SLC7A2: variants seen among roughly 807,000 people sequenced by gnomAD.
SLC7A2 encodes cationic amino acid transporter 2.
Under a neutral mutation model 58.9 loss-of-function variants are expected in SLC7A2, and 48 were observed. The observed-to-expected ratio is 0.82, with a 90% CI of 0.65 to 1.04. The LOEUF (loss-of-function observed/expected upper bound fraction) is 1.04, where lower values mean the gene tolerates loss of function less well. SLC7A2 is among the 50% of genes least tolerant of loss of function. The probability of loss-of-function intolerance (pLI) is 0.00; values close to 1 mark genes in which losing one functional copy is unlikely to be tolerated. For missense variants in SLC7A2, 1,029 were observed against 818.8 expected (o/e 1.26, Z -3.13); for synonymous variants, 363 against 314.5 (o/e 1.15, Z -1.63).
chr8:17,542,759 G>A lies in SLC7A2; in HGVS notation c.-22-559G>A, dbSNP rs574419622. ...TTTCCTTGTAGTGAGAATGAAATTA[G>A]CCATCTCTTGAAATATATTTCTATC... On this transcript the variant is annotated intron_variant, in intron 2 of 12. Coordinates refer to ENST00000494857, the MANE Select transcript of SLC7A2 (RefSeq NM_001370338.1). Among the ~76,000 whole-genome samples, 37 of 152,256 alleles carry A rather than the reference G, an allele frequency of 2.4e-4. 1 individual carries two copies. Among genetic ancestry groups the A allele is most frequent in the Middle Eastern group, 3.4e-3 (1 of 294 alleles).
At chr8:17,543,826 G>T in intron 3 of SLC7A2, 111 bp downstream of exon 3, 1 of 971,404 alleles carries the variant, frequency 1.0e-6, no homozygotes, top group Non-Finnish European at 1.5e-6. Flanking sequence ...ATGTCTGTGT[G>T]TCTCATTTTT....
chr8:17,513,596 G>A (rs1800688893), intron 2 of SLC7A2, among the ~76,000 whole-genome samples: 1 of 152,072 alleles, frequency 6.6e-6, no homozygotes, highest in South Asian at 2.1e-4. Context: ...TCACTGTTGT[G>A]GTTCTCAGAT....
intron 5 of SLC7A2, among the ~76,000 whole-genome samples, chr8:17,549,454 C>T (rs79814317): frequency 0.015 from 2,282 of 152,286 alleles, 50 homozygotes; most frequent in South Asian, 0.1. Flanking sequence ...AGCTCTGCTC[C>T]GGGTTTAGGG....
At position 17,523,490 on chromosome 8, in the gene SLC7A2, G is replaced by A. The variant is rs976138631; in HGVS notation, c.-22-19828G>A. ...TTACAGCCAACTAATCTTCAACAAA[G>A]CAAACATGGCATAAAGTGGGGAAAG... On this transcript the variant is annotated intron_variant, in intron 2 of 12. Transcript: ENST00000494857. 2.6e-5 allele frequency among the ~76,000 whole-genome samples: 4 copies of A among 152,230 alleles called. No homozygotes were observed. The South Asian group carries it at 6.2e-4, about 24-fold the overall frequency.
At chr8:17,561,748 C>G (rs181945390) in intron 10 of SLC7A2, among the ~76,000 whole-genome samples, 196 bp from the exon 11 acceptor site, 1 of 152,122 alleles carries the variant, frequency 6.6e-6, no homozygotes, top group Non-Finnish European at 1.5e-5. Flanking sequence ...AGTAAATAAG[C>G]AATGGTTCTT....
Position 17,557,993 on chromosome 8 carries a change from T to A in SLC7A2, c.1196-302T>A, listed in dbSNP as rs1415163507. On this transcript the variant is annotated intron_variant, in intron 8 of 12. Transcript: ENST00000494857. The stretch of plus-strand genomic sequence containing the variant: ...CAGTGTTTTTCTTCTGAAATATCAA[T>A]GACAGTGTTCTGTCATGTAATGTTT... Among the ~76,000 whole-genome samples the A allele has an allele frequency of 2.6e-5, 4 of 152,326 alleles. No homozygotes were observed. In the East Asian group the frequency reaches 7.7e-4, roughly 29 times the overall value.
intron 8 of SLC7A2, chr8:17,554,929 G>T (rs762106408): frequency 4.3e-6 from 7 of 1,613,086 alleles, no homozygotes; most frequent in Non-Finnish European, 5.9e-6. Context: ...TGTGGATTTT[G>T]AATTTTTCTG....
At chr8:17,564,919 AC>A (rs1803192175) in intron 12 of SLC7A2, 30 bp from the exon 13 acceptor site, 2 of 1,518,812 alleles carry the variant, frequency 1.3e-6, no homozygotes, top group African/African-American at 2.8e-5. Context: ...CATACCTGAA[AC>A]ATTGATTTTT....
At chr8:17,518,482 G>A (rs949469817) in intron 2 of SLC7A2, among the ~76,000 whole-genome samples, 1 of 152,162 alleles carries the variant, frequency 6.6e-6, no homozygotes, top group Non-Finnish European at 1.5e-5. Context: ...GGATGTGGCA[G>A]TTAACACTTT....
At chr8:17,558,226 G>C (rs569156998) in intron 8 of SLC7A2, 69 bp from the exon 9 acceptor site, 3 of 977,312 alleles carry the variant, frequency 3.1e-6, no homozygotes, top group African/African-American at 3.2e-5. Context: ...TCCCTGACTT[G>C]AACGTTAGTA....
chr8:17,558,407 C>T lies in SLC7A2; in HGVS notation c.1298+10C>T. 6.4e-7 allele frequency: 1 copy of T among 1,571,752 alleles called. No individual in the cohort carries two copies. The highest frequency in any genetic ancestry group is 8.8e-7 in the Non-Finnish European group (1 of 1,142,518). On this transcript the variant is annotated intron_variant, in intron 9 of 12. Coordinates refer to ENST00000494857, the MANE Select transcript of SLC7A2 (RefSeq NM_001370338.1). ...GTGTTCTCATCCTCAGGTGAGTCAC[C>T]TGGTGGTTCTACAGGGTGTACCATG...
chr8:17,544,235 G>C (rs1168373740), intron 3 of SLC7A2, among the ~76,000 whole-genome samples: 1 of 152,120 alleles, frequency 6.6e-6, no homozygotes, highest in African/African-American at 2.4e-5. Flanking sequence ...AACTTTTTAA[G>C]TTATAATTCT....
In SLC7A2 at chr8:17,558,311, G is replaced by C. The variant is rs867648765; in HGVS notation, c.1212G>C (p.Leu404=). ...SGAVAALMAF[L]FDLKALVDMM... ...TCCCCCTAGCTTTGATGGCCTTTCT[G>C]TTTGACCTGAAGGCGCTTGTGGACA... Residue 404 remains leucine (L), a synonymous_variant, in exon 9 of 13, where the codon CTG becomes CTC. Transcript: ENST00000494857. The C allele has an allele frequency of 8.7e-6, 14 of 1,612,774 alleles. No individual in the cohort carries two copies. The highest frequency in any genetic ancestry group is 2.7e-5 in the African/African-American group (2 of 74,850).
intron 7 of SLC7A2, among the ~76,000 whole-genome samples, chr8:17,552,312 C>T (rs1211226046): frequency 2.0e-5 from 3 of 152,094 alleles, no homozygotes; most frequent in African/African-American, 4.8e-5. Context: ...TATGAAACTT[C>T]AGGATTCTTG....
At position 17,543,419 on chromosome 8, in the gene SLC7A2, A is replaced by G; in HGVS notation, c.80A>G (p.Asp27Gly). The change falls in exon 3 of 13, where the codon GAC becomes GGC. Residue 27 changes from aspartate to glycine, a missense_variant. Physicochemically the swap from Asp to Gly is moderately conservative, Grantham distance 94. Coordinates refer to ENST00000494857, the MANE Select transcript of SLC7A2 (RefSeq NM_001370338.1). Reference sequence around the variant, plus strand: ...ATCGTGACCCTGGACAGTCTAGAAGACACCAAATTATGCCGCTGCTTATCC... The same window carrying G: ...ATCGTGACCCTGGACAGTCTAGAAGGCACCAAATTATGCCGCTGCTTATCC... Reference protein sequence around the residue: ...RKIVTLDSLEDTKLCRCLSTM... With the variant: ...RKIVTLDSLEGTKLCRCLSTM... 1 of 1,614,180 alleles carries G rather than the reference A, an allele frequency of 6.2e-7. No homozygotes were observed. The highest frequency in any genetic ancestry group is 8.5e-7 in the Non-Finnish European group (1 of 1,180,024).
intron 1 of SLC7A2, among the ~76,000 whole-genome samples, chr8:17,499,818 T>C (rs1263774708): frequency 3.9e-5 from 6 of 152,158 alleles, no homozygotes; most frequent in Non-Finnish European, 1.5e-5. Context: ...TTAAAAACCA[T>C]ATAGATACAA....
intron 2 of SLC7A2, among the ~76,000 whole-genome samples, chr8:17,526,663 G>T (rs1801234283): frequency 6.6e-6 from 1 of 152,088 alleles, no homozygotes; most frequent in Non-Finnish European, 1.5e-5. Context: ...TTTCAAACTG[G>T]AAGCCAATGT....
intron 2 of SLC7A2, among the ~76,000 whole-genome samples, chr8:17,514,101 A>G (rs914999155): frequency 2.6e-5 from 4 of 152,052 alleles, no homozygotes; most frequent in Admixed American, 6.6e-5. Flanking sequence ...TGGGAGTAAA[A>G]ACACCTCGGC....
intron 8 of SLC7A2, among the ~76,000 whole-genome samples, chr8:17,555,930 T>C (rs1412431084): frequency 6.6e-6 from 1 of 152,202 alleles, no homozygotes; most frequent in Non-Finnish European, 1.5e-5. Flanking sequence ...ATCTTGGCAC[T>C]ATAAATTCAA....
Sources: gnomAD v4.1 joint callset for allele counts (sites outside exome capture counted in the v4.1 genomes callset) on GRCh38, gnomAD v4.1.1 for gene constraint, MANE v1.5 for transcripts, NCBI Gene and HGNC (gene_info 2026-07-23, HGNC 2026-07-21) for gene names.